THSD7B: variants seen among roughly 807,000 people sequenced by gnomAD.
THSD7B encodes thrombospondin type 1 domain containing 7B.
A neutral mutation model predicts 213.6 loss-of-function variants in THSD7B; 138 were observed. That is an observed-to-expected ratio of 0.65 (90% CI 0.56 to 0.74). The LOEUF is 0.74. THSD7B is among the 30% of genes least tolerant of loss of function. The probability of loss-of-function intolerance (pLI) is 0.00; values close to 1 mark genes in which losing one functional copy is unlikely to be tolerated. For synonymous variants in THSD7B, 742 were observed against 687.0 expected, an observed-to-expected ratio of 1.08 and a Z score of -1.25; for missense variants, 1,931 against 1,991.5, an observed-to-expected ratio of 0.97 and a Z score of 0.58.
intron 10 of THSD7B, among the ~76,000 whole-genome samples, chr2:137,268,806 A>G (rs1445449416): frequency 1.3e-5 from 2 of 152,104 alleles, no homozygotes; most frequent in Non-Finnish European, 2.9e-5. Flanking sequence ...TTCAAGATGG[A>G]GTTGCTCTGG....
intron 7 of THSD7B, among the ~76,000 whole-genome samples, chr2:137,204,898 C>T (rs1245435687): frequency 6.6e-6 from 1 of 152,042 alleles, no homozygotes; most frequent in Non-Finnish European, 1.5e-5. Flanking sequence ...TAATAGTTAA[C>T]AAAATTTGGA....
At chr2:136,942,749 G>A (rs531533377) in intron 2 of THSD7B, among the ~76,000 whole-genome samples, 27 of 152,226 alleles carry the variant, frequency 1.8e-4, no homozygotes, top group Admixed American at 5.2e-4. Context: ...GGGGATTTTG[G>A]GCTGAGACGA....
At chr2:136,809,753 G>T (rs1278151069) in intron 1 of THSD7B, among the ~76,000 whole-genome samples, 1 of 152,112 alleles carries the variant, frequency 6.6e-6, no homozygotes, top group African/African-American at 2.4e-5. Flanking sequence ...GGAAGCAAGG[G>T]GGAAAGCACA....
intron 2 of THSD7B, among the ~76,000 whole-genome samples, chr2:136,989,527 T>C (rs1194950135): frequency 6.6e-6 from 1 of 152,204 alleles, no homozygotes; most frequent in Non-Finnish European, 1.5e-5. Flanking sequence ...GTTGAGCAGA[T>C]GCTGGCACCA....
At chr2:137,443,936 C>T (rs969942204) in intron 14 of THSD7B, among the ~76,000 whole-genome samples, 1 of 151,934 alleles carries the variant, frequency 6.6e-6, no homozygotes, top group Non-Finnish European at 1.5e-5. Flanking sequence ...TTTCAGTTAT[C>T]ATATTGTGGA....
intron 12 of THSD7B, among the ~76,000 whole-genome samples, chr2:137,343,878 G>C (rs1684814631): frequency 6.6e-6 from 1 of 151,754 alleles, no homozygotes; most frequent in Non-Finnish European, 1.5e-5. Context: ...GAAGCCCTTT[G>C]TGGACCAGAA....
At chr2:137,245,208 G>A (rs907609987) in intron 10 of THSD7B, among the ~76,000 whole-genome samples, 5 of 152,130 alleles carry the variant, frequency 3.3e-5, no homozygotes, top group Admixed American at 1.3e-4. Context: ...GGGCATAAGA[G>A]CATGGATGCT....
In THSD7B at chr2:137,104,444, C is replaced by A. The variant is rs531676966; in HGVS notation, c.1199+9323C>A. ...GGAGAAAGTAGGAAAGATCTAAAAC[C>A]GACACCATAAGTGTCGAACATCACA... On this transcript the variant is annotated intron_variant, in intron 4 of 27. Transcript: ENST00000409968. 2.6e-5 allele frequency among the ~76,000 whole-genome samples: 4 copies of A among 151,830 alleles called. No individual in the cohort carries two copies. The East Asian group carries it at 7.7e-4, about 29-fold the overall frequency.
rs1276281356 is a variant in THSD7B, at chr2:136,962,718, T to G, written c.139+80401T>G. Among the ~76,000 whole-genome samples the G allele has an allele frequency of 2.0e-5, 3 of 152,140 alleles. No individual in the cohort carries two copies. The East Asian group carries it at 5.8e-4, about 29-fold the overall frequency. ...TAGAAAGAAGTACACAAAAGACATC[T>G]GAGGAAAAATTGTCACAAAAATGAT... On this transcript the variant is annotated intron_variant, in intron 2 of 27. Transcript: ENST00000409968.
At chr2:137,100,702 A>C (rs1002819471) in intron 4 of THSD7B, among the ~76,000 whole-genome samples, 3 of 152,166 alleles carry the variant, frequency 2.0e-5, no homozygotes, top group African/African-American at 7.2e-5. Flanking sequence ...ACAGTATTAT[A>C]CACTCGGCAC....
chr2:136,956,626 T>TG (rs1685130449), intron 2 of THSD7B, among the ~76,000 whole-genome samples: 1 of 150,892 alleles, frequency 6.6e-6, no homozygotes, highest in South Asian at 2.1e-4. Context: ...ATTAGTAAAT[T>TG]GGTCTCTTCA....
chr2:137,620,865 G>T, intron 20 of THSD7B, 139 bp downstream of exon 20: 1 of 664,176 alleles, frequency 1.5e-6, no homozygotes, highest in Non-Finnish European at 2.5e-6. Context: ...AAGAAAAACA[G>T]AGCCTGGCCT....
intron 2 of THSD7B, among the ~76,000 whole-genome samples, chr2:137,044,877 A>G (rs1166987722): frequency 6.6e-6 from 1 of 152,138 alleles, no homozygotes; most frequent in African/African-American, 2.4e-5. Context: ...CCATGTCACT[A>G]TTCTGTACTT....
intron 3 of THSD7B, among the ~76,000 whole-genome samples, chr2:137,087,181 T>TA (rs201448866): frequency 4.6e-5 from 7 of 151,312 alleles, no homozygotes; most frequent in East Asian, 1.9e-4. Flanking sequence ...AAGTAAAAAT[T>TA]AAAAAAAAAT....
At chr2:136,926,559 T>C (rs1326542756) in intron 2 of THSD7B, among the ~76,000 whole-genome samples, 2 of 151,910 alleles carry the variant, frequency 1.3e-5, no homozygotes, top group Admixed American at 6.6e-5. Flanking sequence ...CCAGCCATGG[T>C]GGTGCTTGCA....
chr2:137,284,556 TACAC>T (rs1439945407), intron 12 of THSD7B, among the ~76,000 whole-genome samples: 1 of 152,170 alleles, frequency 6.6e-6, no homozygotes, highest in East Asian at 1.9e-4. Flanking sequence ...AATTTCCCTC[TACAC>T]ACTGCTTTGA....
intron 4 of THSD7B, among the ~76,000 whole-genome samples, chr2:137,105,173 A>G (rs547567325): frequency 1.3e-5 from 2 of 152,240 alleles, no homozygotes; most frequent in East Asian, 3.8e-4. Flanking sequence ...GTACTGGCAA[A>G]TCGAATCCAG....
At chr2:136,847,015 A>T (rs962094770) in intron 1 of THSD7B, among the ~76,000 whole-genome samples, 7 of 151,928 alleles carry the variant, frequency 4.6e-5, no homozygotes, top group Non-Finnish European at 8.8e-5. Context: ...ATTGAATATA[A>T]TTTTTCTATT....
intron 2 of THSD7B, among the ~76,000 whole-genome samples, chr2:136,983,358 G>GACACACAGACACAC (rs1553462387): frequency 9.5e-6 from 1 of 105,028 alleles, no homozygotes; most frequent in Middle Eastern, 4.2e-3. Flanking sequence ...CAGACACACA[G>GACACACAGACACAC]ACACACACAC....
Sources: allele counts gnomAD v4.1 joint callset (sites outside exome capture counted in the v4.1 genomes callset), GRCh38; gene constraint gnomAD v4.1.1; transcripts MANE v1.5; gene names NCBI Gene and HGNC (gene_info 2026-07-23, HGNC 2026-07-21).